Variants in FMN2 observed in about 807,000 individuals in gnomAD.
The protein encoded by FMN2 is formin-2.
Under a neutral mutation model 142.3 loss-of-function variants are expected in FMN2, and 51 were observed. That is an observed-to-expected ratio of 0.36 (90% CI 0.29 to 0.45). FMN2 has a LOEUF of 0.45. Among genes scored for constraint, FMN2 ranks in the 20% least tolerant of loss-of-function variants. FMN2 has a pLI of 1.00. For synonymous variants in FMN2, 882 were observed against 869.8 expected (o/e 1.01, Z -0.25); for missense variants, 1,936 against 2,122.8 (o/e 0.91, Z 1.73).
At chr1:240,147,970 A>G (rs1406190200) in intron 2 of FMN2, among the ~76,000 whole-genome samples, 1 of 152,212 alleles carries the variant, frequency 6.6e-6, no homozygotes, top group Non-Finnish European at 1.5e-5. Context: ...ATTAGTTGCT[A>G]CTTCGCCATG....
intron 7 of FMN2, among the ~76,000 whole-genome samples, chr1:240,274,235 AAG>A (rs1179970985): frequency 1.3e-5 from 2 of 151,930 alleles, no homozygotes; most frequent in African/African-American, 2.4e-5. Flanking sequence ...AAAAAAAAAA[AAG>A]AGAGAGTGGA....
chr1:240,126,750 G>T (rs1472348434), intron 2 of FMN2, among the ~76,000 whole-genome samples: 1 of 152,126 alleles, frequency 6.6e-6, no homozygotes, highest in Non-Finnish European at 1.5e-5. Context: ...AGTGTTTTAG[G>T]CTCTGGAGAT....
At chr1:240,266,612 T>C (rs371977405) in intron 7 of FMN2, among the ~76,000 whole-genome samples, 53 of 152,238 alleles carry the variant, frequency 3.5e-4, no homozygotes, top group African/African-American at 9.4e-4. Context: ...CAGGCCACCA[T>C]TGATGCACAC....
rs185962565 is a variant in FMN2 at position 240,155,206 on chromosome 1, G to A, written c.1783-22715G>A. 2.2e-3 allele frequency among the ~76,000 whole-genome samples: 339 copies of A among 152,142 alleles called. 4 individuals carry two copies. Among genetic ancestry groups the A allele is most frequent in the African/African-American group, 7.6e-3 (317 of 41,522 alleles). On this transcript the variant is annotated intron_variant, in intron 2 of 17. Transcript: ENST00000319653. ...CACCTGGCCACTAATCTTTGCTTTC[G>A]ATGAAGATGATTTTCTGCATAGTGG...
chr1:240,440,604 G>A (rs1006017492), intron 16 of FMN2, among the ~76,000 whole-genome samples: 1 of 152,176 alleles, frequency 6.6e-6, no homozygotes, highest in Admixed American at 6.5e-5. Context: ...CGAATTGGCA[G>A]TTTACAAGTG....
At chr1:240,388,489 G>A (rs16839893) in intron 14 of FMN2, among the ~76,000 whole-genome samples, 2,503 of 152,068 alleles carry the variant, frequency 0.016, 58 homozygotes, top group African/African-American at 0.057. Flanking sequence ...CAAAGTATAA[G>A]CATTTACAAA....
At chr1:240,383,286 T>C (rs964678665) in intron 14 of FMN2, among the ~76,000 whole-genome samples, 1 of 152,272 alleles carries the variant, frequency 6.6e-6, no homozygotes, top group Non-Finnish European at 1.5e-5. Flanking sequence ...ATGAAAACGC[T>C]TCTGCACAGC....
At chr1:240,121,071 G>T (rs1662221907) in intron 1 of FMN2, among the ~76,000 whole-genome samples, 1 of 152,038 alleles carries the variant, frequency 6.6e-6, no homozygotes, top group Non-Finnish European at 1.5e-5. Flanking sequence ...TGAGGCAGGA[G>T]AATCGCTTGA....
intron 16 of FMN2, among the ~76,000 whole-genome samples, chr1:240,461,517 G>A (rs900390444): frequency 6.6e-6 from 1 of 152,142 alleles, no homozygotes; most frequent in Non-Finnish European, 1.5e-5. Flanking sequence ...CTTTTAAGAT[G>A]CTTCTTCTGT....
chr1:240,461,903 T>C (rs1450341395), intron 16 of FMN2, among the ~76,000 whole-genome samples: 2 of 152,214 alleles, frequency 1.3e-5, no homozygotes, highest in African/African-American at 4.8e-5. Flanking sequence ...AGTCATTTTC[T>C]TCAAATAAAA....
chr1:240,283,667 C>T (rs772555583), intron 7 of FMN2, among the ~76,000 whole-genome samples: 2 of 152,186 alleles, frequency 1.3e-5, no homozygotes, highest in Non-Finnish European at 2.9e-5. Flanking sequence ...CGACCAACCA[C>T]ATACTTTTAT....
At position 240,092,742 on chromosome 1, in the gene FMN2, GCAGCTC is replaced by G. The variant is rs767102734; in HGVS notation, c.650_655del (p.Leu217_Gln218del). ...TCCGCCTGCAGCAGCAGCAGCAGCA[GCAGCTC>G]CAGCTCCAGCTCCAGCAACAGCAGC... is the stretch of plus-strand genomic sequence containing the variant. On this transcript the variant is annotated inframe_deletion, in exon 1 of 18. Coordinates refer to ENST00000319653, the MANE Select transcript of FMN2 (RefSeq NM_020066.5). The G allele has an allele frequency of 1.9e-6, 3 of 1,612,912 alleles. No individual in the cohort carries two copies. The highest frequency in any genetic ancestry group is 2.5e-6 in the Non-Finnish European group (3 of 1,179,684).
chr1:240,281,637 G>A (rs952452846), intron 7 of FMN2, among the ~76,000 whole-genome samples: 7 of 152,038 alleles, frequency 4.6e-5, no homozygotes, highest in Non-Finnish European at 7.4e-5. Flanking sequence ...CATGTCTCTC[G>A]AGAGTACATT....
intron 8 of FMN2, among the ~76,000 whole-genome samples, chr1:240,307,818 T>C (rs1230787450): frequency 1.3e-5 from 2 of 152,206 alleles, no homozygotes; most frequent in Admixed American, 6.5e-5. Flanking sequence ...AATCAGTAGA[T>C]TGCTTCAGGC....
chr1:240,224,371 T>C (rs771907197), intron 6 of FMN2, among the ~76,000 whole-genome samples: 1 of 152,158 alleles, frequency 6.6e-6, no homozygotes. Flanking sequence ...ATTTCCATTC[T>C]TTTGCATTTG....
intron 7 of FMN2, among the ~76,000 whole-genome samples, chr1:240,273,672 GACAC>G (rs200801649): frequency 4.4e-5 from 6 of 137,392 alleles, no homozygotes; most frequent in African/African-American, 1.6e-4. Flanking sequence ...AGGGGGCAGA[GACAC>G]ACACACAGGG....
At chr1:240,242,068 A>G (rs902897754) in intron 6 of FMN2, among the ~76,000 whole-genome samples, 8 of 151,684 alleles carry the variant, frequency 5.3e-5, no homozygotes, top group African/African-American at 1.2e-4. Context: ...GATGGTCTCG[A>G]TCTCCTGACC....
At chr1:240,269,200 T>A (rs1389102342) in intron 7 of FMN2, among the ~76,000 whole-genome samples, 2 of 152,078 alleles carry the variant, frequency 1.3e-5, no homozygotes, top group Non-Finnish European at 2.9e-5. Flanking sequence ...CTTTAATTCC[T>A]TTTGAGTTTA....
At chr1:240,158,606 C>A (rs568246219) in intron 2 of FMN2, among the ~76,000 whole-genome samples, 36 of 152,236 alleles carry the variant, frequency 2.4e-4, no homozygotes, top group Admixed American at 1.1e-3. Flanking sequence ...CTCCCCCCCA[C>A]CACGCCTGAA....
Sources: gnomAD v4.1 joint callset for allele counts (sites outside exome capture counted in the v4.1 genomes callset) on GRCh38, gnomAD v4.1.1 for gene constraint, MANE v1.5 for transcripts, NCBI Gene and HGNC (gene_info 2026-07-23, HGNC 2026-07-21) for gene names.